ZNF704: variants seen among roughly 807,000 people sequenced by gnomAD.
The protein encoded by ZNF704 is zinc finger protein 704.
Under a neutral mutation model 44.7 loss-of-function variants are expected in ZNF704, and 10 were observed. The ratio of observed to expected loss-of-function variants is 0.22; its 90% CI spans 0.14 to 0.38. The LOEUF (loss-of-function observed/expected upper bound fraction) is 0.38, where lower values mean the gene tolerates loss of function less well. Among genes scored for constraint, ZNF704 ranks in the 10% least tolerant of loss-of-function variants. ZNF704 has a pLI of 1.00. For synonymous variants in ZNF704, 211 were observed against 207.6 expected (o/e 1.02, Z -0.14); for missense variants, 390 against 545.5 (o/e 0.71, Z 2.84).
At chr8:80,706,475 A>G (rs889115662) in intron 2 of ZNF704, among the ~76,000 whole-genome samples, 1 of 152,214 alleles carries the variant, frequency 6.6e-6, no homozygotes, top group African/African-American at 2.4e-5. Flanking sequence ...TAGAAGTGAC[A>G]GTTGTAGCTA....
upstream of ZNF704, among the ~76,000 whole-genome samples, chr8:80,879,301 A>G (rs571200558): frequency 1.3e-5 from 2 of 151,990 alleles, no homozygotes; most frequent in South Asian, 4.2e-4. Context: ...CAGTGGCTCA[A>G]TCACAGATCA....
At chr8:80,792,172 A>G (rs1404762858) in intron 2 of ZNF704, among the ~76,000 whole-genome samples, 1 of 152,186 alleles carries the variant, frequency 6.6e-6, no homozygotes, top group Non-Finnish European at 1.5e-5. Flanking sequence ...AGGTGGTCCC[A>G]TTTTCCCCTA....
intron 1 of ZNF704, among the ~76,000 whole-genome samples, chr8:80,873,345 G>A (rs1472681161): frequency 1.3e-5 from 2 of 152,070 alleles, no homozygotes; most frequent in African/African-American, 4.8e-5. Context: ...GAGAGACGCA[G>A]GGGCCCAAGG....
At chr8:80,861,461 C>A (rs58163247) in intron 1 of ZNF704, among the ~76,000 whole-genome samples, 8,561 of 152,076 alleles carry the variant, frequency 0.056, 268 homozygotes, top group Middle Eastern at 0.14. Flanking sequence ...CTAATGGGTA[C>A]GGGGTATCTT....
At chr8:80,800,521 G>GA (rs1364321916) in intron 2 of ZNF704, among the ~76,000 whole-genome samples, 1 of 152,112 alleles carries the variant, frequency 6.6e-6, no homozygotes, top group Non-Finnish European at 1.5e-5. Flanking sequence ...AATTCTTAAA[G>GA]AAAAAATTTT....
chr8:80,836,099 C>T (rs924475071), intron 1 of ZNF704, among the ~76,000 whole-genome samples: 1 of 152,166 alleles, frequency 6.6e-6, no homozygotes, highest in Admixed American at 6.5e-5. Flanking sequence ...TCAGATCATG[C>T]CCCTCCTTGG....
Position 80,634,905 on chromosome 8 carries a change from A to T in ZNF704, c.*6461T>A, listed in dbSNP as rs368509071. On this transcript the variant is annotated 3_prime_UTR_variant, in exon 9 of 9. Transcript: ENST00000327835. ...TGCTAACAATGGAGACATTCCAAGG[A>T]GTGAAAACAGAGATTTGCAAGACGC... 33 of 152,338 alleles carry T rather than the reference A, an allele frequency of 2.2e-4. No homozygotes were observed. The highest frequency in any genetic ancestry group is 7.0e-4 in the African/African-American group (29 of 41,576). The allele number at this position is 152,338 out of a possible 1,614,324, so 9.4% of individuals were successfully genotyped here. A position where few individuals can be genotyped will look rare whatever the true frequency, so the allele number is the denominator to read the frequency against.
At chr8:80,786,674 A>C (rs1807619483) in intron 2 of ZNF704, among the ~76,000 whole-genome samples, 1 of 152,182 alleles carries the variant, frequency 6.6e-6, no homozygotes, top group African/African-American at 2.4e-5. Flanking sequence ...GCTGGTCTTG[A>C]AAAGTCATGA....
rs142151968 is a variant in ZNF704 at position 80,695,936 on chromosome 8, C to T, written c.222-2829G>A. The stretch of plus-strand genomic sequence containing the variant: ...AATACATCACAATGACTCAGTTAAC[C>T]TGCATTTCTCAGGGAATATTTTAAT... On this transcript the variant is annotated intron_variant, in intron 2 of 8. Coordinates refer to ENST00000327835, the MANE Select transcript of ZNF704 (RefSeq NM_001033723.3). Among the ~76,000 whole-genome samples the T allele has an allele frequency of 1.2e-3, 184 of 152,270 alleles. 1 individual carries two copies. Among genetic ancestry groups the T allele is most frequent in the Non-Finnish European group, 1.9e-3 (130 of 68,028 alleles).
At chr8:80,867,345 G>T (rs1809172272) in intron 1 of ZNF704, among the ~76,000 whole-genome samples, 1 of 152,160 alleles carries the variant, frequency 6.6e-6, no homozygotes, top group South Asian at 2.1e-4. Flanking sequence ...GACCACTTCA[G>T]AAAATTGTGG....
intron 2 of ZNF704, among the ~76,000 whole-genome samples, chr8:80,739,813 G>C (rs891380920): frequency 5.9e-5 from 9 of 152,178 alleles, no homozygotes; most frequent in Non-Finnish European, 1.3e-4. Context: ...TGTCCAAATA[G>C]AAATAAGCCG....
At chr8:80,825,444 C>A (rs932892923) in intron 1 of ZNF704, among the ~76,000 whole-genome samples, 1 of 152,274 alleles carries the variant, frequency 6.6e-6, no homozygotes, top group Non-Finnish European at 1.5e-5. Context: ...TAGAGACTTA[C>A]AAAGAGACTT....
intron 2 of ZNF704, among the ~76,000 whole-genome samples, chr8:80,694,664 T>C (rs1258707956): frequency 1.3e-5 from 2 of 152,136 alleles, no homozygotes; most frequent in Non-Finnish European, 2.9e-5. Flanking sequence ...AAAAAACAAA[T>C]GGTTCCCAAT....
At chr8:80,725,965 TTAAATC>T (rs1314639167) in intron 2 of ZNF704, among the ~76,000 whole-genome samples, 1 of 152,194 alleles carries the variant, frequency 6.6e-6, no homozygotes, top group Non-Finnish European at 1.5e-5. Flanking sequence ...GTAACACACA[TTAAATC>T]TAAGATGAAA....
chr8:80,661,504 GCAGCA>G (rs1818101524), intron 6 of ZNF704, among the ~76,000 whole-genome samples: 1 of 152,130 alleles, frequency 6.6e-6, no homozygotes, highest in African/African-American at 2.4e-5. Context: ...CATGTTTATT[GCAGCA>G]CTATTCACAA....
In ZNF704 at chr8:80,640,450, CTT is replaced by C. The variant is rs1817724625; in HGVS notation, c.*914_*915del. Reference sequence around the variant, plus strand: ...AATGACCCATTAACCTGGCTACAATCTTGACAGACAAGCAGTAACAAATAGCT... The same window carrying C: ...AATGACCCATTAACCTGGCTACAATCGACAGACAAGCAGTAACAAATAGCT... On this transcript the variant is annotated 3_prime_UTR_variant, in exon 9 of 9. Transcript: ENST00000327835. 6.6e-6 allele frequency: 1 copy of C among 152,610 alleles called. No individual in the cohort carries two copies. The highest frequency in any genetic ancestry group is 2.4e-5 in the African/African-American group (1 of 41,458). 9.5% of individuals were successfully genotyped at this position (152,610 alleles called of 1,614,324 possible). A position where few individuals can be genotyped will look rare whatever the true frequency, so the allele number is the denominator to read the frequency against.
chr8:80,859,339 G>T (rs546171862), intron 1 of ZNF704, among the ~76,000 whole-genome samples: 8 of 152,318 alleles, frequency 5.3e-5, no homozygotes, highest in Non-Finnish European at 1.5e-5. Context: ...ACCAGGGGTA[G>T]GAAAGGGTTA....
chr8:80,797,924 AT>A (rs1327347836), intron 2 of ZNF704, among the ~76,000 whole-genome samples: 1 of 151,972 alleles, frequency 6.6e-6, no homozygotes, highest in East Asian at 1.9e-4. Flanking sequence ...TATAAATTCC[AT>A]TTTAAGTCAA....
intron 2 of ZNF704, among the ~76,000 whole-genome samples, chr8:80,753,743 T>A (rs1181081103): frequency 6.6e-6 from 1 of 152,172 alleles, no homozygotes; most frequent in African/African-American, 2.4e-5. Flanking sequence ...TAAAGTAATA[T>A]CATCCATGCT....
Sources: gnomAD v4.1 joint callset for allele counts (sites outside exome capture counted in the v4.1 genomes callset) on GRCh38, gnomAD v4.1.1 for gene constraint, MANE v1.5 for transcripts, NCBI Gene and HGNC (gene_info 2026-07-23, HGNC 2026-07-21) for gene names.